The following GABRB1 variants were observed in gnomAD, a reference collection of about 807,000 sequenced individuals.
GABRB1 encodes the protein gamma-aminobutyric acid receptor subunit beta-1.
GABRB1 carries 17 observed loss-of-function variants against 51.6 expected under a neutral mutation model. The observed-to-expected ratio is 0.33, with a 90% confidence interval of 0.23 to 0.49. GABRB1 has a LOEUF of 0.49. Ranked by LOEUF, GABRB1 falls within the 20% of genes least tolerant of loss-of-function variation. GABRB1 has a pLI of 0.99. For missense variants in GABRB1, 410 were observed against 600.6 expected (o/e 0.68, Z 3.32); for synonymous variants, 247 against 218.9 (o/e 1.13, Z -1.14).
intron 3 of GABRB1, among the ~76,000 whole-genome samples, chr4:47,137,693 A>G (rs1187423677): frequency 6.6e-6 from 1 of 152,112 alleles, no homozygotes; most frequent in Non-Finnish European, 1.5e-5. Flanking sequence ...GTATCTACCA[A>G]ATGCTTATCA....
chr4:47,094,898 T>A (rs1714333929), intron 3 of GABRB1, among the ~76,000 whole-genome samples: 1 of 152,124 alleles, frequency 6.6e-6, no homozygotes, highest in African/African-American at 2.4e-5. Flanking sequence ...TAGGATTGAA[T>A]CTTCTTGAGT....
At chr4:47,386,818 A>T (rs972491385) in intron 5 of GABRB1, among the ~76,000 whole-genome samples, 5 of 152,338 alleles carry the variant, frequency 3.3e-5, no homozygotes, top group Non-Finnish European at 1.5e-5. Flanking sequence ...GTAAAAGGAG[A>T]ATCAGTAATC....
intron 4 of GABRB1, among the ~76,000 whole-genome samples, chr4:47,317,375 A>G (rs1724973300): frequency 6.6e-6 from 1 of 151,984 alleles, no homozygotes; most frequent in South Asian, 2.1e-4. Flanking sequence ...GAATATGGTA[A>G]AAGAGTATAG....
chr4:47,377,544 A>G (rs1436153603), intron 5 of GABRB1, among the ~76,000 whole-genome samples: 2 of 151,790 alleles, frequency 1.3e-5, no homozygotes, highest in African/African-American at 2.4e-5. Context: ...TATTGCAAAG[A>G]GCAAAAGAAC....
intron 4 of GABRB1, among the ~76,000 whole-genome samples, chr4:47,193,740 G>A (rs1245677011): frequency 1.3e-5 from 2 of 152,144 alleles, no homozygotes; most frequent in South Asian, 2.1e-4. Flanking sequence ...TGTGCAAAGA[G>A]GATGCTAAAA....
chr4:47,197,438 C>A (rs6811877), intron 4 of GABRB1, among the ~76,000 whole-genome samples: 129,175 of 152,150 alleles, frequency 0.85, 54,813 homozygotes, highest in Middle Eastern at 0.92. Flanking sequence ...TTTTTGTTGA[C>A]CTGATGGAGT....
At chr4:47,140,093 AACACACACACACACACACACAC>A (rs67749563) in intron 3 of GABRB1, among the ~76,000 whole-genome samples, 10 of 135,326 alleles carry the variant, frequency 7.4e-5, no homozygotes, top group African/African-American at 1.1e-4. Flanking sequence ...AAATTAAATT[AACACACACACACACACACACAC>A]ACACACACAC....
chr4:47,044,468 A>G (rs1001146415), intron 3 of GABRB1, among the ~76,000 whole-genome samples: 2 of 152,214 alleles, frequency 1.3e-5, no homozygotes, highest in Non-Finnish European at 2.9e-5. Context: ...TCTCAAGTAT[A>G]AATCTTGTGA....
chr4:47,086,133 G>A (rs903227251), intron 3 of GABRB1, among the ~76,000 whole-genome samples: 1 of 152,192 alleles, frequency 6.6e-6, no homozygotes, highest in Non-Finnish European at 1.5e-5. Context: ...TAAATACCAT[G>A]TTAAAAGAGG....
rs148492382 is a variant in GABRB1 at position 47,311,302 on chromosome 4, C to T, written c.462-8825C>T. On this transcript the variant is annotated intron_variant, in intron 4 of 8. Transcript: ENST00000295454. ...TGTTTCATGCTTGTAATCCCAGCTA[C>T]TGGGGAGGCTGAGGCAGGAGAATCT... 5.1e-3 allele frequency among the ~76,000 whole-genome samples: 759 copies of T among 148,242 alleles called. 2 individuals are homozygous for T. The highest frequency in any genetic ancestry group is 7.1e-3 in the Non-Finnish European group (478 of 67,422).
chr4:47,155,200 C>A (rs548219567), intron 3 of GABRB1, among the ~76,000 whole-genome samples: 2 of 151,988 alleles, frequency 1.3e-5, no homozygotes, highest in South Asian at 2.1e-4. Flanking sequence ...AGAAGAACTG[C>A]GGAAATCATA....
chr4:47,126,614 A>C (rs920243110), intron 3 of GABRB1, among the ~76,000 whole-genome samples: 1 of 152,128 alleles, frequency 6.6e-6, no homozygotes, highest in African/African-American at 2.4e-5. Flanking sequence ...TATACACGTA[A>C]AGTGGCAAAA....
chr4:47,374,781 C>T (rs1386307573), intron 5 of GABRB1, among the ~76,000 whole-genome samples: 3 of 152,090 alleles, frequency 2.0e-5, no homozygotes, highest in African/African-American at 7.2e-5. Flanking sequence ...AGAGTGTATG[C>T]AAGATCTGTA....
At chr4:47,405,288 A>G (rs182981438) in intron 7 of GABRB1, among the ~76,000 whole-genome samples, 1 of 152,316 alleles carries the variant, frequency 6.6e-6, no homozygotes, top group Non-Finnish European at 1.5e-5. Context: ...CTGTTCTTCT[A>G]AAAGTTGAAT....
intron 4 of GABRB1, among the ~76,000 whole-genome samples, chr4:47,287,192 C>T (rs1233449753): frequency 1.3e-5 from 2 of 152,174 alleles, no homozygotes; most frequent in Non-Finnish European, 2.9e-5. Context: ...TGCTGAGGTT[C>T]TTATACCAGG....
chr4:47,182,981 G>A (rs1426394476), intron 4 of GABRB1, among the ~76,000 whole-genome samples: 1 of 151,716 alleles, frequency 6.6e-6, no homozygotes, highest in East Asian at 1.9e-4. Flanking sequence ...TCTTTCTTCA[G>A]CTATAAAAAT....
At chr4:47,000,738 G>T (rs6835861) in intron 1 of GABRB1, among the ~76,000 whole-genome samples, 282 of 152,264 alleles carry the variant, frequency 1.9e-3, no homozygotes, top group African/African-American at 6.4e-3. Flanking sequence ...AGCCAGCTTG[G>T]ATTTCCACAT....
rs531797304 is a variant in GABRB1, at chr4:47,369,228, T to C, written c.545-34090T>C. On this transcript the variant is annotated intron_variant, in intron 5 of 8. Transcript: ENST00000295454. ...CAACAAATATAGGAACTTAGCTTAG[T>C]GGACAGAGGATAGGACTGGGGATGA... Among the ~76,000 whole-genome samples the C allele has an allele frequency of 2.6e-5, 4 of 152,308 alleles. No homozygotes were observed. The South Asian group carries it at 8.3e-4, about 32-fold the overall frequency.
intron 4 of GABRB1, among the ~76,000 whole-genome samples, chr4:47,295,222 C>A (rs1156769950): frequency 1.3e-5 from 2 of 152,194 alleles, no homozygotes; most frequent in Admixed American, 1.3e-4. Context: ...CAAAGGAATG[C>A]AGTTCCTCAC....
Sources: allele counts gnomAD v4.1 joint callset (sites outside exome capture counted in the v4.1 genomes callset), GRCh38; gene constraint gnomAD v4.1.1; transcripts MANE v1.5; gene names NCBI Gene and HGNC (gene_info 2026-07-23, HGNC 2026-07-21).